The following RASA1 variants were observed in gnomAD, a reference collection of about 807,000 sequenced individuals.
RASA1 encodes RAS p21 protein activator 1.
RASA1 carries 25 observed loss-of-function variants against 132.2 expected under a neutral mutation model. That is an observed-to-expected ratio of 0.19 (90% CI 0.14 to 0.26). The LOEUF (loss-of-function observed/expected upper bound fraction) is 0.26, where lower values mean the gene tolerates loss of function less well. Ranked by LOEUF, RASA1 falls within the 10% of genes least tolerant of loss-of-function variation. RASA1 has a pLI of 1.00. For missense variants in RASA1, 964 were observed against 1,299.2 expected (o/e 0.74, Z 3.97); for synonymous variants, 477 against 449.9 (o/e 1.06, Z -0.76).
chr5:87,311,619 A>G (rs933073094), intron 1 of RASA1, among the ~76,000 whole-genome samples: 2 of 152,202 alleles, frequency 1.3e-5, no homozygotes, highest in East Asian at 3.8e-4. Flanking sequence ...ACAGTGCTTA[A>G]CTGCCGCTCA....
chr5:87,311,242 G>T (rs1473917817), intron 1 of RASA1, among the ~76,000 whole-genome samples: 1 of 152,086 alleles, frequency 6.6e-6, no homozygotes, highest in Non-Finnish European at 1.5e-5. Context: ...AACAAAGTGA[G>T]CCTGTCACTT....
chr5:87,286,038 T>C (rs1414765456), intron 1 of RASA1, among the ~76,000 whole-genome samples: 1 of 152,080 alleles, frequency 6.6e-6, no homozygotes, highest in African/African-American at 2.4e-5. Context: ...AGTTTCGCTC[T>C]GTAGCCCAGG....
chr5:87,366,828 T>A (rs1213864262), intron 11 of RASA1, among the ~76,000 whole-genome samples: 1 of 152,158 alleles, frequency 6.6e-6, no homozygotes, highest in Non-Finnish European at 1.5e-5. Context: ...GCTCAGGGGT[T>A]GGAGACCAGC....
chr5:87,353,272 T>C (rs1306380800), intron 9 of RASA1, 37 bp downstream of exon 9: 1 of 1,507,518 alleles, frequency 6.6e-7, no homozygotes, highest in African/African-American at 1.4e-5. Flanking sequence ...AATTAGCATT[T>C]TATTTTAAAA....
chr5:87,337,227 CTTG>C (rs778919025), intron 4 of RASA1, among the ~76,000 whole-genome samples: 2 of 152,032 alleles, frequency 1.3e-5, no homozygotes, highest in Admixed American at 6.6e-5. Context: ...ACATCAGCAA[CTTG>C]TTGTTTCCAT....
chr5:87,324,301 C>G (rs977315638), intron 1 of RASA1, among the ~76,000 whole-genome samples: 2 of 152,170 alleles, frequency 1.3e-5, no homozygotes. Flanking sequence ...TTTTCCTCCT[C>G]TCTTTCAACA....
Position 87,346,066 on chromosome 5 carries a change from G to A in RASA1, c.1050-606G>A, listed in dbSNP as rs542038528. Among the ~76,000 whole-genome samples, 6 of 152,080 alleles carry A rather than the reference G, an allele frequency of 3.9e-5. No homozygotes were observed. In the East Asian group the frequency reaches 1.2e-3, roughly 29 times the overall value. On this transcript the variant is annotated intron_variant, in intron 6 of 24. Transcript: ENST00000274376. ...GATGCCTTTTATAATAATTTCTAAA[G>A]GCTTAATTTAAGAATACAGAATATA...
chr5:87,279,599 A>G (rs1259358286), intron 1 of RASA1, among the ~76,000 whole-genome samples: 1 of 152,158 alleles, frequency 6.6e-6, no homozygotes, highest in Non-Finnish European at 1.5e-5. Flanking sequence ...TATAATGGCT[A>G]TATATTTTTA....
chr5:87,316,812 T>C (rs1466565888), intron 1 of RASA1, among the ~76,000 whole-genome samples: 1 of 152,172 alleles, frequency 6.6e-6, no homozygotes, highest in Non-Finnish European at 1.5e-5. Flanking sequence ...GCTTTGGAAA[T>C]TAAAGCGGCT....
At chr5:87,374,464 T>A (rs1240623901) in intron 14 of RASA1, 144 bp downstream of exon 14, 433 of 316,438 alleles carry the variant, frequency 1.4e-3, no homozygotes, top group Non-Finnish European at 1.6e-3. Context: ...TATATATTTT[T>A]TTTTTTTTTT....
chr5:87,364,819 C>T (rs549600254), intron 11 of RASA1, among the ~76,000 whole-genome samples: 1 of 152,216 alleles, frequency 6.6e-6, no homozygotes, highest in Admixed American at 6.5e-5. Flanking sequence ...TTCTGTTGAG[C>T]CACCTCTCAA....
At position 87,389,485 on chromosome 5, in the gene RASA1, A is replaced by T; in HGVS notation, c.3018A>T (p.Ser1006=). 1 of 1,614,174 alleles carries T rather than the reference A, an allele frequency of 6.2e-7. No homozygotes were observed. Among genetic ancestry groups the T allele is most frequent in the African/African-American group, 1.3e-5 (1 of 75,074 alleles). The change falls in exon 24 of 25, where the codon TCA becomes TCT. Residue 1006 remains serine (S), a synonymous_variant. Transcript: ENST00000274376. ...TGCATGAGATTTGCGTGGCTCATTCAGATGAACTTCGAACGCTCAGTAATG... is the reference window on the plus strand; with the variant it reads ...TGCATGAGATTTGCGTGGCTCATTCTGATGAACTTCGAACGCTCAGTAATG... ...AALHEICVAH[S]DELRTLSNER...
chr5:87,368,282 A>AT (rs1760673881), intron 11 of RASA1, among the ~76,000 whole-genome samples: 2 of 151,298 alleles, frequency 1.3e-5, no homozygotes, highest in Non-Finnish European at 2.9e-5. Flanking sequence ...ATTTTATTAC[A>AT]TTTTTTTCAA....
intron 9 of RASA1, among the ~76,000 whole-genome samples, chr5:87,354,273 T>G (rs2112434455): frequency 6.6e-6 from 1 of 152,288 alleles, no homozygotes; most frequent in Non-Finnish European, 1.5e-5. Context: ...AAGATAGTTT[T>G]TTTTACAAAT....
At chr5:87,361,463 G>T (rs1029893621) in intron 9 of RASA1, among the ~76,000 whole-genome samples, 3 of 152,122 alleles carry the variant, frequency 2.0e-5, no homozygotes, top group African/African-American at 7.2e-5. Flanking sequence ...GGATTGAATG[G>T]ATCCATGAAG....
chr5:87,354,682 A>G (rs1317694914), intron 9 of RASA1, among the ~76,000 whole-genome samples: 1 of 152,164 alleles, frequency 6.6e-6, no homozygotes, highest in East Asian at 1.9e-4. Context: ...ATTAAGTCAA[A>G]AGCTAGAAAT....
At chr5:87,307,152 G>T (rs964248304) in intron 1 of RASA1, among the ~76,000 whole-genome samples, 1 of 152,156 alleles carries the variant, frequency 6.6e-6, no homozygotes, top group African/African-American at 2.4e-5. Flanking sequence ...ACAGGTGTGA[G>T]CCACTTTGCC....
chr5:87,374,814 A>T, intron 14 of RASA1, 26 bp from the exon 15 acceptor site: 1 of 1,607,732 alleles, frequency 6.2e-7, no homozygotes, highest in Non-Finnish European at 8.5e-7. Context: ...ACATTTTGTT[A>T]ATTCTTTTTC....
chr5:87,327,495 G>A (rs957969499), intron 1 of RASA1, among the ~76,000 whole-genome samples: 4 of 152,170 alleles, frequency 2.6e-5, no homozygotes, highest in African/African-American at 9.7e-5. Context: ...AGTTTCTGAC[G>A]AGATTTGGTA....
Sources: gnomAD v4.1 joint callset for allele counts (sites outside exome capture counted in the v4.1 genomes callset) on GRCh38, gnomAD v4.1.1 for gene constraint, MANE v1.5 for transcripts, NCBI Gene and HGNC (gene_info 2026-07-23, HGNC 2026-07-21) for gene names.